Variants in TENM1 observed in about 807,000 individuals in gnomAD.
The protein encoded by TENM1 is teneurin-1.
In TENM1, 35 loss-of-function variants were observed where a neutral mutation model predicts 174.8. The ratio of observed to expected loss-of-function variants is 0.20; its 90% confidence interval spans 0.15 to 0.27. The LOEUF is 0.27. TENM1 is among the 10% of genes least tolerant of loss of function. The probability of loss-of-function intolerance (pLI) is 1.00; values close to 1 mark genes in which losing one functional copy is unlikely to be tolerated. For missense variants in TENM1, 1,633 were observed against 2,130.1 expected (o/e 0.77, Z 4.59); for synonymous variants, 781 against 798.7 (o/e 0.98, Z 0.37).
intron 3 of TENM1, among the ~76,000 whole-genome samples, chrX:124,810,863 T>G (rs1450838754): frequency 9.0e-6 from 1 of 111,014 alleles, no homozygotes; most frequent in African/African-American, 3.3e-5. Flanking sequence ...TAGACTAACA[T>G]AACAGAATAG....
intron 5 of TENM1, among the ~76,000 whole-genome samples, chrX:124,702,782 C>A (rs772441912): frequency 1.8e-5 from 2 of 111,402 alleles, no homozygotes; most frequent in Non-Finnish European, 3.8e-5. Context: ...TGTTGAGCCT[C>A]AGTTTCCCCA....
At chrX:125,183,830 T>C in the TENM1 span, among the ~76,000 whole-genome samples, 1 of 112,198 alleles carries the variant, frequency 8.9e-6, no homozygotes, top group Non-Finnish European at 1.9e-5. Flanking sequence ...GAGCAATCTT[T>C]TAAATGGTGT....
At chrX:124,736,727 T>A (rs992803587) in intron 4 of TENM1, among the ~76,000 whole-genome samples, 2 of 112,163 alleles carry the variant, frequency 1.8e-5, no homozygotes, top group Middle Eastern at 4.2e-3. Context: ...CTTCATCTTT[T>A]CACGTGTATC....
the TENM1 span, among the ~76,000 whole-genome samples, chrX:125,106,807 A>G: frequency 3.6e-5 from 4 of 112,222 alleles, no homozygotes; most frequent in Admixed American, 3.8e-4. Flanking sequence ...TTAATGTGAT[A>G]CAAAGTATCA....
intron 3 of TENM1, among the ~76,000 whole-genome samples, chrX:124,812,985 C>T: frequency 9.0e-6 from 1 of 110,715 alleles, no homozygotes; most frequent in African/African-American, 3.3e-5. Context: ...CAATTATACA[C>T]ACTCACACAT....
intron 25 of TENM1, among the ~76,000 whole-genome samples, chrX:124,418,097 T>C (rs1343491131): frequency 8.9e-6 from 1 of 112,618 alleles, no homozygotes; most frequent in Non-Finnish European, 1.9e-5. Context: ...AAAATGAAAG[T>C]TGGCTTATAT....
chrX:124,508,776 G>A (rs2047510221), intron 18 of TENM1, among the ~76,000 whole-genome samples: 2 of 111,789 alleles, frequency 1.8e-5, no homozygotes, highest in Admixed American at 1.9e-4. Context: ...AAGGCAGAGT[G>A]ATATACTGGC....
chrX:125,065,167 CA>C, the TENM1 span, among the ~76,000 whole-genome samples: 1 of 112,039 alleles, frequency 8.9e-6, no homozygotes, highest in African/African-American at 3.2e-5. Flanking sequence ...CCAGTCAAAG[CA>C]AAAGCAGACA....
At chrX:125,084,491 T>C in the TENM1 span, among the ~76,000 whole-genome samples, 2 of 111,323 alleles carry the variant, frequency 1.8e-5, no homozygotes, top group African/African-American at 3.3e-5. Context: ...GTATTTTCTG[T>C]AGAAATTCAT....
intron 3 of TENM1, among the ~76,000 whole-genome samples, chrX:124,752,207 C>A (rs1347745083): frequency 1.8e-5 from 2 of 111,354 alleles, no homozygotes; most frequent in Non-Finnish European, 3.8e-5. Context: ...GATGGTATCT[C>A]ATTGTGGTTT....
At chrX:124,703,774 C>T (rs1316033635) in intron 5 of TENM1, among the ~76,000 whole-genome samples, 2 of 112,024 alleles carry the variant, frequency 1.8e-5, no homozygotes, top group African/African-American at 6.5e-5. Flanking sequence ...CAAATAAACA[C>T]ACATGTTGGG....
At chrX:124,759,519 T>C (rs2179361) in intron 3 of TENM1, among the ~76,000 whole-genome samples, 22,097 of 110,153 alleles carry the variant, frequency 0.2, 3,160 homozygotes, top group African/African-American at 0.51. Context: ...CATTCTTATG[T>C]CTTTGCATCC....
chrX:125,189,736 G>A, the TENM1 span, among the ~76,000 whole-genome samples: 7 of 112,054 alleles, frequency 6.2e-5, no homozygotes, highest in African/African-American at 2.3e-4. Context: ...CCTAAAAGCC[G>A]GGTTCAAGAT....
At chrX:124,502,346 CTG>C (rs1895703754) in intron 19 of TENM1, among the ~76,000 whole-genome samples, 1 of 112,377 alleles carries the variant, frequency 8.9e-6, no homozygotes, top group Admixed American at 9.4e-5. Flanking sequence ...TGTTTCAAGT[CTG>C]TGTGAAGCAA....
intron 15 of TENM1, among the ~76,000 whole-genome samples, chrX:124,541,373 T>C (rs145662450): frequency 1.1e-4 from 12 of 112,384 alleles, no homozygotes; most frequent in Non-Finnish European, 1.7e-4. Context: ...GGTGCTGTCA[T>C]CACAAGAGTG....
intron 5 of TENM1, among the ~76,000 whole-genome samples, chrX:124,700,256 T>C (rs2052744498): frequency 9.0e-6 from 1 of 111,520 alleles, no homozygotes; most frequent in African/African-American, 3.3e-5. Flanking sequence ...AACAAACTCA[T>C]TAGAGGATTC....
chrX:124,751,763 T>C (rs1239595556), intron 3 of TENM1, among the ~76,000 whole-genome samples: 2 of 106,102 alleles, frequency 1.9e-5, no homozygotes, highest in African/African-American at 3.4e-5. Context: ...GTCCTTGCGA[T>C]AGTTTACTGA....
At chrX:124,588,458 T>C (rs1383844093) in intron 11 of TENM1, among the ~76,000 whole-genome samples, 1 of 108,543 alleles carries the variant, frequency 9.2e-6, no homozygotes, top group Non-Finnish European at 1.9e-5. Context: ...AACCAAACAC[T>C]GCATATTCTC....
intron 11 of TENM1, among the ~76,000 whole-genome samples, chrX:124,611,129 C>T (rs2050269265): frequency 8.9e-6 from 1 of 111,966 alleles, no homozygotes. Context: ...ATTCATGCTA[C>T]ATGTGCAATG....
Sources: gnomAD v4.1 joint callset for allele counts (sites outside exome capture counted in the v4.1 genomes callset) on GRCh38, gnomAD v4.1.1 for gene constraint, MANE v1.5 for transcripts, NCBI Gene and HGNC (gene_info 2026-07-23, HGNC 2026-07-21) for gene names.